The following DPP10 variants were observed in gnomAD, a reference collection of about 807,000 sequenced individuals.
The protein encoded by DPP10 is inactive dipeptidyl peptidase 10.
DPP10 carries 33 observed loss-of-function variants against 120.9 expected under a neutral mutation model. The ratio of observed to expected loss-of-function variants is 0.27; its 90% CI spans 0.21 to 0.37. The LOEUF is 0.37. Ranked by LOEUF, DPP10 falls within the 10% of genes least tolerant of loss-of-function variation. The pLI, the probability that DPP10 is intolerant of heterozygous loss-of-function variation, is 1.00. For synonymous variants in DPP10, 337 were observed against 326.1 expected (o/e 1.03, Z -0.36); for missense variants, 816 against 942.8 (o/e 0.87, Z 1.76).
chr2:114,619,449 A>G (rs10173503), intron 1 of DPP10, among the ~76,000 whole-genome samples: 18,745 of 151,114 alleles, frequency 0.12, 1,159 homozygotes, highest in East Asian at 0.13. Context: ...GTGAAATCCA[A>G]ACATCAGAAT....
At chr2:114,501,729 C>G (rs1231408250) in intron 1 of DPP10, among the ~76,000 whole-genome samples, 1 of 152,000 alleles carries the variant, frequency 6.6e-6, no homozygotes, top group East Asian at 1.9e-4. Context: ...GGTTTTGGTG[C>G]TAGAGCGGTT....
rs149402530 is a variant in DPP10 at position 114,875,379 on chromosome 2, G to A, written c.60+432541G>A. ...ATTACAACCTAGCATAGTGTGTGCC[G>A]TAATGTAAGCTGCTAGATACTTTTT... On this transcript the variant is annotated intron_variant, in intron 1 of 25. Transcript: ENST00000410059. 6.7e-3 allele frequency among the ~76,000 whole-genome samples: 1,019 copies of A among 152,148 alleles called. 8 individuals carry two copies. Among genetic ancestry groups the A allele is most frequent in the Middle Eastern group, 0.017 (5 of 294 alleles).
chr2:114,681,327 A>C (rs1458052388), intron 1 of DPP10, among the ~76,000 whole-genome samples: 1 of 151,956 alleles, frequency 6.6e-6, no homozygotes, highest in African/African-American at 2.4e-5. Flanking sequence ...AGAGTCTGGA[A>C]AGGAAATCCG....
chr2:114,735,331 C>A (rs1187776971), intron 1 of DPP10, among the ~76,000 whole-genome samples: 2 of 152,068 alleles, frequency 1.3e-5, no homozygotes, highest in African/African-American at 2.4e-5. Flanking sequence ...TTGGCACCAG[C>A]GAATTTTTAC....
At chr2:115,403,194 T>C (rs1209580146) in intron 3 of DPP10, among the ~76,000 whole-genome samples, 1 of 151,404 alleles carries the variant, frequency 6.6e-6, no homozygotes, top group African/African-American at 2.4e-5. Flanking sequence ...TTAAGAAAAC[T>C]CAGCACCCTT....
chr2:115,416,966 T>G (rs2069493290), intron 3 of DPP10, among the ~76,000 whole-genome samples: 1 of 152,200 alleles, frequency 6.6e-6, no homozygotes. Context: ...TATCGCTGCC[T>G]GGTGATATCC....
chr2:115,173,671 G>A (rs892956659), intron 1 of DPP10, among the ~76,000 whole-genome samples: 2 of 152,132 alleles, frequency 1.3e-5, no homozygotes, highest in Admixed American at 6.5e-5. Context: ...AATTGCCAGC[G>A]TAAAATCTGC....
chr2:115,791,420 T>C, intron 19 of DPP10, 64 bp downstream of exon 19: 1 of 1,379,092 alleles, frequency 7.3e-7, no homozygotes, highest in Non-Finnish European at 1.0e-6. Context: ...GTGTCTCACA[T>C]GACAACATTT....
chr2:115,501,223 C>A (rs964167400), intron 4 of DPP10, among the ~76,000 whole-genome samples: 2 of 152,064 alleles, frequency 1.3e-5, no homozygotes, highest in African/African-American at 4.8e-5. Context: ...CTCATTTACA[C>A]AAGTCAGTGA....
In DPP10 at chr2:114,658,999, G is replaced by T. The variant is rs564163114; in HGVS notation, c.60+216161G>T. On this transcript the variant is annotated intron_variant, in intron 1 of 25. Coordinates refer to ENST00000410059, the MANE Select transcript of DPP10 (RefSeq NM_020868.6). ...GAGTAAGTTCTCATGACATCTGATGGTTTTTTAACGTTTGACATTTCCTCC... is the reference window on the plus strand; with the variant it reads ...GAGTAAGTTCTCATGACATCTGATGTTTTTTTAACGTTTGACATTTCCTCC... Among the ~76,000 whole-genome samples the T allele has an allele frequency of 5.0e-3, 756 of 152,222 alleles. 3 individuals carry two copies. Among genetic ancestry groups the T allele is most frequent in the Middle Eastern group, 0.017 (5 of 294 alleles).
chr2:114,446,291 C>G (rs1303881830), intron 1 of DPP10, among the ~76,000 whole-genome samples: 1 of 152,144 alleles, frequency 6.6e-6, no homozygotes, highest in Non-Finnish European at 1.5e-5. Context: ...CTAAAATGTG[C>G]AGATTTTTTT....
chr2:115,290,399 T>C (rs1232331059), intron 1 of DPP10, among the ~76,000 whole-genome samples: 2 of 152,104 alleles, frequency 1.3e-5, no homozygotes, highest in Non-Finnish European at 2.9e-5. Context: ...GGTATACATA[T>C]GTGGATAAAT....
At chr2:115,222,640 G>A (rs1393513334) in intron 1 of DPP10, among the ~76,000 whole-genome samples, 3 of 151,914 alleles carry the variant, frequency 2.0e-5, no homozygotes, top group Admixed American at 6.6e-5. Context: ...CTTATCAGCA[G>A]CATGAAAATG....
At chr2:115,228,709 C>T (rs2057574123) in intron 1 of DPP10, among the ~76,000 whole-genome samples, 1 of 152,130 alleles carries the variant, frequency 6.6e-6, no homozygotes, top group South Asian at 2.1e-4. Flanking sequence ...GACAGGATCT[C>T]ATACTTTTAT....
chr2:114,503,118 C>T (rs1414112571), intron 1 of DPP10, among the ~76,000 whole-genome samples: 1 of 152,196 alleles, frequency 6.6e-6, no homozygotes, highest in Non-Finnish European at 1.5e-5. Context: ...GGCTGCTGCA[C>T]CCTTTGCAAT....
At chr2:115,684,420 A>G (rs1403269714) in intron 5 of DPP10, among the ~76,000 whole-genome samples, 2 of 151,842 alleles carry the variant, frequency 1.3e-5, no homozygotes, top group African/African-American at 4.8e-5. Context: ...TCATTGTATT[A>G]CTGACTTCCA....
intron 5 of DPP10, among the ~76,000 whole-genome samples, chr2:115,632,732 A>G (rs944300338): frequency 1.2e-4 from 19 of 152,278 alleles, no homozygotes; most frequent in Non-Finnish European, 1.5e-5. Flanking sequence ...ATAAATTTAC[A>G]AGAAAAAATC....
chr2:115,219,971 T>G (rs113962073), intron 1 of DPP10, among the ~76,000 whole-genome samples: 17 of 152,332 alleles, frequency 1.1e-4, no homozygotes, highest in African/African-American at 3.8e-4. Context: ...AACTACATGC[T>G]GTGGTAGGAT....
At chr2:115,775,189 A>G (rs964897156) in intron 13 of DPP10, among the ~76,000 whole-genome samples, 11 of 152,020 alleles carry the variant, frequency 7.2e-5, no homozygotes, top group Non-Finnish European at 1.5e-4. Flanking sequence ...GAATTTAGAA[A>G]AGGAAGAGAA....
Sources: allele counts gnomAD v4.1 joint callset (sites outside exome capture counted in the v4.1 genomes callset), GRCh38; gene constraint gnomAD v4.1.1; transcripts MANE v1.5; gene names NCBI Gene and HGNC (gene_info 2026-07-23, HGNC 2026-07-21).